The following TTC29 variants were observed in gnomAD, a reference collection of about 807,000 sequenced individuals.
TTC29 encodes tetratricopeptide repeat protein 29.
A neutral mutation model predicts 58.1 loss-of-function variants in TTC29; 49 were observed. That is an observed-to-expected ratio of 0.84 (90% confidence interval 0.67 to 1.07). TTC29 has a LOEUF of 1.07. TTC29 is among the 50% of genes least tolerant of loss of function. The pLI, the probability that TTC29 is intolerant of heterozygous loss-of-function variation, is 0.00. For missense variants in TTC29, 582 were observed against 555.6 expected (o/e 1.05, Z -0.48); for synonymous variants, 209 against 196.8 (o/e 1.06, Z -0.52).
intron 6 of TTC29, among the ~76,000 whole-genome samples, chr4:146,894,488 T>C (rs1323561840): frequency 8.3e-5 from 11 of 132,706 alleles, no homozygotes. Context: ...AATGAGAACA[T>C]GTGGACACAG....
At position 146,707,506 on chromosome 4, in the gene TTC29, T is replaced by C. The variant is rs1315995327; in HGVS notation, c.1376A>G (p.Glu459Gly). ...STVEAVSQNS[E>G]RLEELSRFPG... ...ATACCTACTGAGTTCTTCCAAACGT[T>C]CTGAGTTTTGAGATACAGCTTCCAC... The change falls in exon 12 of 13, where the codon GAA becomes GGA. Residue 459 changes from glutamate to glycine, a missense_variant. Transcript: ENST00000325106. 6.2e-7 allele frequency: 1 copy of C among 1,610,664 alleles called. No individual in the cohort carries two copies. Among genetic ancestry groups the C allele is most frequent in the South Asian group, 1.1e-5 (1 of 90,928 alleles).
At chr4:146,885,317 T>A (rs186003770) in intron 6 of TTC29, among the ~76,000 whole-genome samples, 2 of 152,230 alleles carry the variant, frequency 1.3e-5, no homozygotes, top group East Asian at 3.9e-4. Flanking sequence ...TATATTGGCA[T>A]GAATGAAACA....
intron 4 of TTC29, among the ~76,000 whole-genome samples, chr4:146,922,026 AAAAAG>A (rs1216095613): frequency 1.1e-4 from 17 of 148,570 alleles, no homozygotes; most frequent in East Asian, 5.9e-4. Flanking sequence ...AAAAAAAAAA[AAAAAG>A]AAAGAAAGAA....
chr4:146,849,201 T>G (rs1299433985), intron 8 of TTC29, among the ~76,000 whole-genome samples: 2 of 152,158 alleles, frequency 1.3e-5, no homozygotes, highest in Non-Finnish European at 1.5e-5. Flanking sequence ...CCATAGTGCA[T>G]TCAATCTTCA....
chr4:146,861,054 A>G (rs1730201481), intron 8 of TTC29, among the ~76,000 whole-genome samples: 1 of 152,204 alleles, frequency 6.6e-6, no homozygotes, highest in Non-Finnish European at 1.5e-5. Flanking sequence ...TTGCAAAATA[A>G]TAGAAAGCAA....
chr4:146,921,320 T>C (rs1216448296), intron 4 of TTC29, among the ~76,000 whole-genome samples: 1 of 151,278 alleles, frequency 6.6e-6, no homozygotes, highest in East Asian at 1.9e-4. Flanking sequence ...ACTAAGAATA[T>C]GGAATTAGTA....
intron 11 of TTC29, among the ~76,000 whole-genome samples, chr4:146,744,553 C>G (rs911703793): frequency 4.8e-4 from 73 of 152,242 alleles, no homozygotes; most frequent in African/African-American, 1.6e-3. Context: ...AAGCCGTCTT[C>G]TTCTATACAT....
chr4:146,910,733 G>T (rs1273108509), intron 4 of TTC29, among the ~76,000 whole-genome samples: 3 of 152,162 alleles, frequency 2.0e-5, no homozygotes, highest in African/African-American at 7.2e-5. Context: ...ATGGCAGTCA[G>T]GTTGTTACAG....
intron 6 of TTC29, among the ~76,000 whole-genome samples, chr4:146,879,957 G>A (rs1440686093): frequency 1.3e-5 from 2 of 152,110 alleles, no homozygotes; most frequent in Admixed American, 1.3e-4. Context: ...CATCATCACT[G>A]TGAGTAACCA....
chr4:146,920,844 G>A (rs1472008872), intron 4 of TTC29, among the ~76,000 whole-genome samples: 2 of 151,050 alleles, frequency 1.3e-5, no homozygotes, highest in African/African-American at 4.8e-5. Flanking sequence ...TATGTCTTGG[G>A]TGAGAAATAC....
intron 11 of TTC29, among the ~76,000 whole-genome samples, chr4:146,774,872 GT>G (rs1177437982): frequency 6.6e-6 from 1 of 152,140 alleles, no homozygotes; most frequent in Non-Finnish European, 1.5e-5. Context: ...GTATTATTAT[GT>G]GGTTGTCTAG....
At chr4:146,827,754 T>C (rs1727904912) in intron 9 of TTC29, among the ~76,000 whole-genome samples, 1 of 152,216 alleles carries the variant, frequency 6.6e-6, no homozygotes, top group African/African-American at 2.4e-5. Flanking sequence ...GTTATTATTA[T>C]CTCTCAGTGA....
At chr4:146,789,594 C>A (rs1749278807) in intron 11 of TTC29, among the ~76,000 whole-genome samples, 1 of 152,140 alleles carries the variant, frequency 6.6e-6, no homozygotes, top group South Asian at 2.1e-4. Context: ...TTTTTAACTT[C>A]AATGTCATTT....
chr4:146,747,154 A>G (rs1443863622), intron 11 of TTC29, among the ~76,000 whole-genome samples: 1 of 152,166 alleles, frequency 6.6e-6, no homozygotes, highest in Non-Finnish European at 1.5e-5. Context: ...GCAGTCCTCA[A>G]GGGCTCTGAG....
At chr4:146,880,326 C>T (rs1478959683) in intron 6 of TTC29, among the ~76,000 whole-genome samples, 1 of 152,024 alleles carries the variant, frequency 6.6e-6, no homozygotes, top group Non-Finnish European at 1.5e-5. Context: ...GTTTGGCATG[C>T]ATTTATAGTT....
intron 11 of TTC29, among the ~76,000 whole-genome samples, chr4:146,708,357 C>CGTATATATATATATATAT: frequency 5.9e-5 from 1 of 16,834 alleles, no homozygotes; most frequent in African/African-American, 1.4e-4. Context: ...TATATATATA[C>CGTATATATATATATATAT]ACATGTATGT....
At chr4:146,905,518 A>T (rs1411745755) in intron 5 of TTC29, among the ~76,000 whole-genome samples, 1 of 151,716 alleles carries the variant, frequency 6.6e-6, no homozygotes, top group Non-Finnish European at 1.5e-5. Context: ...TGAATAAAGG[A>T]TTGTTTTCTA....
chr4:146,793,243 A>G (rs72958212), intron 11 of TTC29, among the ~76,000 whole-genome samples: 7,008 of 152,284 alleles, frequency 0.046, 234 homozygotes, highest in East Asian at 0.14. Context: ...TGCATACTAC[A>G]GAGAAATCTT....
At chr4:146,860,221 C>G (rs1228275577) in intron 8 of TTC29, among the ~76,000 whole-genome samples, 1 of 152,014 alleles carries the variant, frequency 6.6e-6, no homozygotes, top group Non-Finnish European at 1.5e-5. Context: ...CTCTCTCCCC[C>G]CAAAACTTTC....
Sources: gnomAD v4.1 joint callset for allele counts (sites outside exome capture counted in the v4.1 genomes callset) on GRCh38, gnomAD v4.1.1 for gene constraint, MANE v1.5 for transcripts, NCBI Gene and HGNC (gene_info 2026-07-23, HGNC 2026-07-21) for gene names.